IQCE: variants seen among roughly 807,000 people sequenced by gnomAD.
The protein encoded by IQCE is IQ domain-containing protein E.
Under a neutral mutation model 96.0 loss-of-function variants are expected in IQCE, and 115 were observed. That is an observed-to-expected ratio of 1.20 (90% CI 1.03 to 1.40). IQCE has a LOEUF of 1.40. Among genes scored for constraint, IQCE ranks in the 40% most tolerant of loss-of-function variants. The pLI is 0.00. For synonymous variants in IQCE, 412 were observed against 371.2 expected (o/e 1.11, Z -1.26); for missense variants, 1,041 against 909.1 (o/e 1.15, Z -1.87).
intron 8 of IQCE, among the ~76,000 whole-genome samples, chr7:2,579,459 A>G (rs1782480030): frequency 6.6e-6 from 1 of 152,338 alleles, no homozygotes; most frequent in South Asian, 2.1e-4. Context: ...GATCAATACA[A>G]CAAAGTTTTC....
chr7:2,577,466 A>AC (rs1360022406), intron 6 of IQCE, among the ~76,000 whole-genome samples: 11 of 46,126 alleles, frequency 2.4e-4, no homozygotes, highest in South Asian at 8.7e-4. Flanking sequence ...GCGCGCGGGG[A>AC]CTGTGTGCGG....
At chr7:2,569,211 T>A (rs1386058772) in intron 3 of IQCE, among the ~76,000 whole-genome samples, 1 of 152,172 alleles carries the variant, frequency 6.6e-6, no homozygotes, top group Non-Finnish European at 1.5e-5. Flanking sequence ...GTGGAGTCCC[T>A]GTTGGTGCCA....
intron 1 of IQCE, among the ~76,000 whole-genome samples, chr7:2,560,268 T>G (rs773192867): frequency 6.6e-6 from 1 of 152,148 alleles, no homozygotes; most frequent in Non-Finnish European, 1.5e-5. Flanking sequence ...GAAAGCCCGT[T>G]GGGACGCGGG....
chr7:2,607,923 A>G (rs760071455), intron 21 of IQCE, among the ~76,000 whole-genome samples: 2 of 152,138 alleles, frequency 1.3e-5, no homozygotes, highest in African/African-American at 4.8e-5. Flanking sequence ...GACCCTGTTG[A>G]GGAGGGGAGT....
At chr7:2,561,230 T>C (rs556491998) in intron 1 of IQCE, among the ~76,000 whole-genome samples, 2 of 152,252 alleles carry the variant, frequency 1.3e-5, no homozygotes, top group African/African-American at 4.8e-5. Context: ...AGTGCTGGGA[T>C]TACAGGCGTG....
chr7:2,583,051 C>T (rs950169085), intron 9 of IQCE, among the ~76,000 whole-genome samples: 12 of 152,182 alleles, frequency 7.9e-5, no homozygotes, highest in African/African-American at 1.7e-4. Context: ...TGAGGCCACA[C>T]GTCCATTGCC....
chr7:2,605,091 T>C (rs1436652130), intron 19 of IQCE, 100 bp downstream of exon 19: 1 of 813,024 alleles, frequency 1.2e-6, no homozygotes, highest in Admixed American at 2.3e-5. Context: ...AGCCTCCACA[T>C]CCCCGCCCGC....
intron 18 of IQCE, among the ~76,000 whole-genome samples, chr7:2,602,971 G>A (rs1389374260): frequency 6.6e-6 from 1 of 152,162 alleles, no homozygotes; most frequent in Non-Finnish European, 1.5e-5. Flanking sequence ...TGCCCCTGAG[G>A]AAGGGACCCC....
intron 5 of IQCE, among the ~76,000 whole-genome samples, chr7:2,573,134 C>T (rs542463545): frequency 3.0e-4 from 46 of 152,326 alleles, no homozygotes; most frequent in African/African-American, 8.2e-4. Flanking sequence ...CTCCTCCTTC[C>T]GTGAGTCCCT....
At chr7:2,575,688 T>C (rs149681782) in intron 6 of IQCE, among the ~76,000 whole-genome samples, 100 of 152,338 alleles carry the variant, frequency 6.6e-4, no homozygotes, top group African/African-American at 2.3e-3. Context: ...CTTGTCGGTC[T>C]GCTCCTCTCC....
rs192253754 is a variant in IQCE at position 2,611,926 on chromosome 7, C to T, written c.*1764C>T. ...TAGACCCCTGCCTTCACCCCACCCG[C>T]CCGGGTCCACTCCCTGGGGCGCTGT... On this transcript the variant is annotated 3_prime_UTR_variant, in exon 22 of 22. Transcript: ENST00000402050. 1 of 152,292 alleles carries T rather than the reference C, an allele frequency of 6.6e-6. No individual in the cohort carries two copies. Among genetic ancestry groups the T allele is most frequent in the African/African-American group, 2.4e-5 (1 of 41,548 alleles). The allele number at this position is 152,292 out of a possible 1,614,324, so 9.4% of individuals were successfully genotyped here.
chr7:2,580,885 G>A (rs899949932), intron 8 of IQCE, among the ~76,000 whole-genome samples: 2 of 152,156 alleles, frequency 1.3e-5, no homozygotes, highest in African/African-American at 4.8e-5. Flanking sequence ...GAAGAGGGGA[G>A]TGGCCAGGTC....
chr7:2,607,292 T>G (rs1213304664), intron 21 of IQCE, 65 bp downstream of exon 21: 2 of 1,605,286 alleles, frequency 1.2e-6, no homozygotes, highest in Non-Finnish European at 1.7e-6. Context: ...AGCCAAAGAG[T>G]GGCCACCTCC....
At chr7:2,607,322 G>A (rs753232189) in intron 21 of IQCE, 95 bp downstream of exon 21, 31 of 1,537,612 alleles carry the variant, frequency 2.0e-5, no homozygotes, top group Admixed American at 1.0e-4. Context: ...GGGCTGTGTC[G>A]GGACGGAAGG....
chr7:2,598,727 C>A, intron 17 of IQCE, 95 bp downstream of exon 17: 1 of 1,117,044 alleles, frequency 9.0e-7, no homozygotes, highest in Non-Finnish European at 1.2e-6. Flanking sequence ...GCCTGGAGGG[C>A]CAGCCAGGCC....
intron 8 of IQCE, among the ~76,000 whole-genome samples, chr7:2,580,487 C>G (rs983170411): frequency 2.0e-5 from 3 of 152,046 alleles, no homozygotes; most frequent in African/African-American, 7.2e-5. Flanking sequence ...TGGCGCGTGC[C>G]TGTAATCCCA....
chr7:2,571,309 A>G (rs1480761337), intron 3 of IQCE: 2 of 531,558 alleles, frequency 3.8e-6, no homozygotes, highest in Non-Finnish European at 6.6e-6. Context: ...ATGAGCCACC[A>G]TGCCTGGCCT....
At chr7:2,561,257 C>G (rs1336080301) in intron 1 of IQCE, among the ~76,000 whole-genome samples, 1 of 151,822 alleles carries the variant, frequency 6.6e-6, no homozygotes, top group Non-Finnish European at 1.5e-5. Context: ...TGCTCCCAGC[C>G]CTATGTAGAT....
chr7:2,597,061 G>A (rs1411138579), intron 16 of IQCE: 21 of 471,198 alleles, frequency 4.5e-5, no homozygotes, highest in Admixed American at 3.1e-4. Flanking sequence ...GGAGCGGCGC[G>A]TCGGCCAGGA....
Sources: gnomAD v4.1 joint callset for allele counts (sites outside exome capture counted in the v4.1 genomes callset) on GRCh38, gnomAD v4.1.1 for gene constraint, MANE v1.5 for transcripts, NCBI Gene and HGNC (gene_info 2026-07-23, HGNC 2026-07-21) for gene names.